Variants in MIEF1 observed in about 807,000 individuals in gnomAD.
MIEF1 encodes the protein mitochondrial elongation factor 1.
A neutral mutation model predicts 35.1 loss-of-function variants in MIEF1; 14 were observed. The observed-to-expected ratio is 0.40, with a 90% confidence interval of 0.26 to 0.62. The LOEUF is 0.62. Ranked by LOEUF, MIEF1 falls within the 20% of genes least tolerant of loss-of-function variation. MIEF1 has a pLI of 0.43. For missense variants in MIEF1, 542 were observed against 615.4 expected, an observed-to-expected ratio of 0.88 and a Z score of 1.26; for synonymous variants, 245 against 254.3, an observed-to-expected ratio of 0.96 and a Z score of 0.35.
intron 2 of MIEF1, chr22:39,509,444 G>C (rs919905057): frequency 1.3e-5 from 2 of 152,322 alleles, no homozygotes; most frequent in African/African-American, 4.8e-5. Context: ...AACTCCACAG[G>C]AATGGGCTTA....
At chr22:39,507,692 T>C (rs1569016031) in intron 2 of MIEF1, among the ~76,000 whole-genome samples, 1 of 151,594 alleles carries the variant, frequency 6.6e-6, no homozygotes, top group Non-Finnish European at 1.5e-5. Context: ...GGTGAAACCC[T>C]GTCTCTACTG....
intron 2 of MIEF1, among the ~76,000 whole-genome samples, chr22:39,505,782 G>C (rs982941264): frequency 6.6e-6 from 1 of 152,154 alleles, no homozygotes; most frequent in Admixed American, 6.5e-5. Flanking sequence ...GGGACCGAGG[G>C]GTGGGGGTGG....
In MIEF1 at chr22:39,514,776, T is replaced by G; in HGVS notation, c.*453T>G. 4.4e-6 allele frequency: 1 copy of G among 229,298 alleles called. No homozygotes were observed. Among genetic ancestry groups the G allele is most frequent in the Non-Finnish European group, 8.7e-6 (1 of 115,142 alleles). 14.2% of individuals were successfully genotyped at this position (229,298 alleles called of 1,614,324 possible). Reference sequence around the variant, plus strand: ...TATCTGCCTAATTAAGATGTTGCCTTTTAGTTGAATGCCACTGAAGAGCTG... The same window carrying G: ...TATCTGCCTAATTAAGATGTTGCCTGTTAGTTGAATGCCACTGAAGAGCTG... On this transcript the variant is annotated 3_prime_UTR_variant, in exon 6 of 6. Coordinates refer to ENST00000325301, the MANE Select transcript of MIEF1 (RefSeq NM_019008.6).
At chr22:39,503,750 G>C (rs1929872328) in intron 1 of MIEF1, 1 of 152,566 alleles carries the variant, frequency 6.6e-6, no homozygotes, top group Non-Finnish European at 1.5e-5. Context: ...CGGTCATGCA[G>C]CTCGTAAGTG....
chr22:39,512,869 G>A (rs1250691359), intron 5 of MIEF1, among the ~76,000 whole-genome samples: 7 of 152,148 alleles, frequency 4.6e-5, no homozygotes, highest in East Asian at 1.9e-4. Flanking sequence ...GGCTGGTCTC[G>A]AATTCCTGAC....
At chr22:39,509,002 T>C (rs1339371552) in intron 2 of MIEF1, among the ~76,000 whole-genome samples, 1 of 152,158 alleles carries the variant, frequency 6.6e-6, no homozygotes, top group Non-Finnish European at 1.5e-5. Context: ...GTGATCCTTT[T>C]TTTTTTTTCT....
rs1053298415 is a variant in MIEF1, at chr22:39,504,206, G to A, written c.-336G>A. 9 of 398,992 alleles carry A rather than the reference G, an allele frequency of 2.3e-5. No homozygotes were observed. Among genetic ancestry groups the A allele is most frequent in the Non-Finnish European group, 4.0e-5 (9 of 226,166 alleles). 24.7% of individuals were successfully genotyped at this position (398,992 alleles called of 1,614,324 possible). On this transcript the variant is annotated 5_prime_UTR_variant, in exon 2 of 6. Coordinates refer to ENST00000325301, the MANE Select transcript of MIEF1 (RefSeq NM_019008.6). Reference sequence around the variant, plus strand: ...ATGTCTTTCCTTCTGTTTATAGTGTGACACCCAGCCCCTGCCAGTCCCCCA... The same window carrying A: ...ATGTCTTTCCTTCTGTTTATAGTGTAACACCCAGCCCCTGCCAGTCCCCCA...
At position 39,515,700 on chromosome 22, in the gene MIEF1, C is replaced by T. The variant is rs976751860; in HGVS notation, c.*1377C>T. 5 of 259,048 alleles carry T rather than the reference C, an allele frequency of 1.9e-5. No homozygotes were observed. Among genetic ancestry groups the T allele is most frequent in the African/African-American group, 4.4e-5 (2 of 45,128 alleles). The allele number at this position is 259,048 out of a possible 1,614,324, so 16.0% of individuals were successfully genotyped here. On this transcript the variant is annotated 3_prime_UTR_variant, in exon 6 of 6. Coordinates refer to ENST00000325301, the MANE Select transcript of MIEF1 (RefSeq NM_019008.6). The stretch of plus-strand genomic sequence containing the variant: ...GGAGGAATGTTTAATCTACCATGTC[C>T]GTGTGTCATCTTGGTTTGTGTTTTT...
chr22:39,513,394 G>A (rs1217170498), intron 5 of MIEF1, 123 bp from the exon 6 acceptor site: 3 of 1,037,964 alleles, frequency 2.9e-6, no homozygotes, highest in Non-Finnish European at 4.2e-6. Context: ...ATGGGCCACT[G>A]CGCCCGGCCT....
chr22:39,511,940 C>A lies in MIEF1; in HGVS notation c.236C>A (p.Ser79Tyr). ...TGGGAAGAACCCAACTGGATGGGCT[C>A]CCCACGACTGCTGAACAGGGACATG... ...RSWEEPNWMG[S>Y]PRLLNRDMKT... The change falls in exon 4 of 6, where the codon TCC becomes TAC. Residue 79 changes from serine to tyrosine, a missense_variant. Physicochemically the swap from Ser to Tyr is moderately radical, Grantham distance 144. Transcript: ENST00000325301. 1 of 1,614,200 alleles carries A rather than the reference C, an allele frequency of 6.2e-7. No homozygotes were observed. Among genetic ancestry groups the A allele is most frequent in the Non-Finnish European group, 8.5e-7 (1 of 1,180,034 alleles).
intron 2 of MIEF1, among the ~76,000 whole-genome samples, chr22:39,508,324 C>T (rs1461216645): frequency 6.6e-6 from 1 of 152,170 alleles, no homozygotes; most frequent in Non-Finnish European, 1.5e-5. Context: ...ACCTTGCTCT[C>T]ACCAGTCATC....
chr22:39,512,150 G>A (rs1930376775), intron 4 of MIEF1, 82 bp from the exon 5 acceptor site: 1 of 1,563,134 alleles, frequency 6.4e-7, no homozygotes, highest in African/African-American at 1.4e-5. Flanking sequence ...TCCATGCCAG[G>A]CCCTTCTTTC....
chr22:39,512,376 G>C lies in MIEF1; in HGVS notation c.467G>C (p.Arg156Pro), dbSNP rs753754391. Residue 156 changes from arginine to proline, a missense_variant, in exon 5 of 6, where the codon CGG (arginine) becomes CCG (proline). By Grantham distance (103) the Arg-to-Pro change is moderately radical. Transcript: ENST00000325301. ...RAAIPAGEQA[R>P]AKQAAVDICA... ...GCCATCCCTGCTGGAGAGCAGGCTCGGGCCAAGCAAGCTGCTGTGGACATA... is the reference window on the plus strand; with the variant it reads ...GCCATCCCTGCTGGAGAGCAGGCTCCGGCCAAGCAAGCTGCTGTGGACATA... The C allele has an allele frequency of 2.5e-6, 4 of 1,614,200 alleles. No individual in the cohort carries two copies. Among genetic ancestry groups the C allele is most frequent in the Non-Finnish European group, 2.5e-6 (3 of 1,180,042 alleles).
intron 2 of MIEF1, among the ~76,000 whole-genome samples, chr22:39,509,919 C>G (rs1930246006): frequency 6.6e-6 from 1 of 152,130 alleles, no homozygotes; most frequent in African/African-American, 2.4e-5. Context: ...AAGCGTCATA[C>G]AAGGAGTGGG....
intron 5 of MIEF1, 32 bp from the exon 6 acceptor site, chr22:39,513,485 C>A (rs200965423): frequency 6.3e-7 from 1 of 1,599,656 alleles, no homozygotes; most frequent in Non-Finnish European, 8.5e-7. Context: ...ACAGAGTAAA[C>A]CCTCAAAACC....
rs1930675369 is a variant in MIEF1 at position 39,516,469 on chromosome 22, A to G, written c.*2146A>G. 1 of 152,204 alleles carries G rather than the reference A, an allele frequency of 6.6e-6. No homozygotes were observed. The highest frequency in any genetic ancestry group is 2.4e-5 in the African/African-American group (1 of 41,464). 9.4% of individuals were successfully genotyped at this position (152,204 alleles called of 1,614,324 possible). On this transcript the variant is annotated 3_prime_UTR_variant, in exon 6 of 6. Transcript: ENST00000325301. ...CTTGTAATCCCAGCACTGGGAAGCTAAGGCGGGTGGATCACTTGAGGTCAG... is the reference window on the plus strand; with the variant it reads ...CTTGTAATCCCAGCACTGGGAAGCTGAGGCGGGTGGATCACTTGAGGTCAG...
intron 5 of MIEF1, 94 bp from the exon 6 acceptor site, chr22:39,513,423 G>T (rs942187473): frequency 1.6e-6 from 2 of 1,283,870 alleles, no homozygotes; most frequent in Non-Finnish European, 2.2e-6. Flanking sequence ...CATTCTTGCT[G>T]GGGGGGAATG....
In MIEF1 at chr22:39,515,469, G is replaced by A. The variant is rs530143926; in HGVS notation, c.*1146G>A. On this transcript the variant is annotated 3_prime_UTR_variant, in exon 6 of 6. Transcript: ENST00000325301. ...GAGAGGGGTGTTTGCTGAGCGCTCCGGGCACGGCCAGAGGGCAAGTGAGCA... is the reference window on the plus strand; with the variant it reads ...GAGAGGGGTGTTTGCTGAGCGCTCCAGGCACGGCCAGAGGGCAAGTGAGCA... The A allele has an allele frequency of 2.8e-5, 18 of 650,588 alleles. No homozygotes were observed. The highest frequency in any genetic ancestry group is 1.1e-4 in the African/African-American group (6 of 55,354). The allele number at this position is 650,588 out of a possible 1,614,324, so 40.3% of individuals were successfully genotyped here.
chr22:39,511,808 A>G (rs1367524845), intron 3 of MIEF1, 41 bp from the exon 4 acceptor site: 2 of 1,563,120 alleles, frequency 1.3e-6, no homozygotes, highest in East Asian at 2.3e-5. Context: ...AAATAGGGAA[A>G]GAGGGCAGGT....
Sources: allele counts gnomAD v4.1 joint callset (sites outside exome capture counted in the v4.1 genomes callset), GRCh38; gene constraint gnomAD v4.1.1; transcripts MANE v1.5; gene names NCBI Gene and HGNC (gene_info 2026-07-23, HGNC 2026-07-21).